The following SGCD variants were observed in gnomAD, a reference collection of about 807,000 sequenced individuals.
SGCD encodes the protein sarcoglycan delta.
A neutral mutation model predicts 36.6 loss-of-function variants in SGCD; 18 were observed. The ratio of observed to expected loss-of-function variants is 0.49; its 90% CI spans 0.34 to 0.73. SGCD has a LOEUF of 0.73. Among genes scored for constraint, SGCD ranks in the 30% least tolerant of loss-of-function variants. SGCD has a pLI of 0.01. For synonymous variants in SGCD, 133 were observed against 130.6 expected, an observed-to-expected ratio of 1.02 and a Z score of -0.12; for missense variants, 387 against 346.7, an observed-to-expected ratio of 1.12 and a Z score of -0.92.
intron 1 of SGCD, among the ~76,000 whole-genome samples, chr5:155,901,762 A>G (rs1425052067): frequency 1.3e-5 from 2 of 152,216 alleles, no homozygotes; most frequent in African/African-American, 2.4e-5. Flanking sequence ...AAATCTTTAC[A>G]TTTGTATTGC....
intron 1 of SGCD, among the ~76,000 whole-genome samples, chr5:155,909,192 T>C (rs1352177108): frequency 6.6e-6 from 1 of 152,160 alleles, no homozygotes; most frequent in Non-Finnish European, 1.5e-5. Context: ...AAAGTGTATC[T>C]TCCTTCTTGC....
At chr5:156,586,715 G>T (rs972432536) in intron 4 of SGCD, among the ~76,000 whole-genome samples, 3 of 152,150 alleles carry the variant, frequency 2.0e-5, no homozygotes, top group African/African-American at 2.4e-5. Context: ...TGTCTTCTGT[G>T]TCACTTTGAC....
intron 3 of SGCD, among the ~76,000 whole-genome samples, chr5:156,492,805 C>T (rs909621664): frequency 1.3e-5 from 2 of 152,064 alleles, no homozygotes; most frequent in Non-Finnish European, 2.9e-5. Context: ...TTAGTGAGAA[C>T]ATGTGGTGTT....
chr5:156,517,767 A>T (rs1359155762), intron 4 of SGCD, among the ~76,000 whole-genome samples: 3 of 152,140 alleles, frequency 2.0e-5, no homozygotes, highest in African/African-American at 7.2e-5. Flanking sequence ...GGAGAAATAA[A>T]ATCATTTTCA....
intron 7 of SGCD, among the ~76,000 whole-genome samples, chr5:156,684,900 A>G (rs1287699692): frequency 2.0e-5 from 3 of 152,186 alleles, no homozygotes; most frequent in Non-Finnish European, 4.4e-5. Context: ...GTGAGTAGAA[A>G]TATCTAGTAA....
intron 6 of SGCD, among the ~76,000 whole-genome samples, chr5:156,629,218 T>C (rs886198634): frequency 2.0e-5 from 3 of 152,184 alleles, no homozygotes; most frequent in Admixed American, 1.3e-4. Flanking sequence ...CTTGAATGTA[T>C]GCTCATGCAA....
At chr5:155,842,244 G>GT in the SGCD span, among the ~76,000 whole-genome samples, 7 of 104,206 alleles carry the variant, frequency 6.7e-5, no homozygotes, top group Admixed American at 3.7e-4. Flanking sequence ...CTCATTTGAG[G>GT]TGTTTTTTTT....
At chr5:156,709,731 G>T (rs1051275684) in intron 7 of SGCD, among the ~76,000 whole-genome samples, 2 of 152,110 alleles carry the variant, frequency 1.3e-5, no homozygotes, top group African/African-American at 4.8e-5. Flanking sequence ...GGAAAGAAAC[G>T]TGGGTTTGAA....
intron 1 of SGCD, among the ~76,000 whole-genome samples, chr5:156,023,199 C>A (rs1168924541): frequency 6.6e-6 from 1 of 152,150 alleles, no homozygotes; most frequent in African/African-American, 2.4e-5. Flanking sequence ...GTGTAGGCAC[C>A]CAACAGGGTG....
chr5:156,222,278 A>T (rs76471616), intron 3 of SGCD, among the ~76,000 whole-genome samples: 2,316 of 152,226 alleles, frequency 0.015, 26 homozygotes, highest in Non-Finnish European at 0.026. Flanking sequence ...TATTGCTCAC[A>T]TTCCACATTT....
At chr5:156,489,409 A>T (rs1285868982) in intron 3 of SGCD, among the ~76,000 whole-genome samples, 1 of 152,114 alleles carries the variant, frequency 6.6e-6, no homozygotes, top group Non-Finnish European at 1.5e-5. Flanking sequence ...TTCATTCAAC[A>T]ACTGGGTAAT....
intron 3 of SGCD, among the ~76,000 whole-genome samples, chr5:156,287,875 A>T (rs1052064862): frequency 6.6e-6 from 1 of 152,054 alleles, no homozygotes; most frequent in African/African-American, 2.4e-5. Context: ...CTCCAGCCTG[A>T]GTGACAAAGT....
chr5:156,422,581 T>C (rs1773364638), intron 3 of SGCD, among the ~76,000 whole-genome samples: 1 of 152,062 alleles, frequency 6.6e-6, no homozygotes, highest in Non-Finnish European at 1.5e-5. Flanking sequence ...CCTACTATGT[T>C]CTAGAATCTC....
intron 1 of SGCD, among the ~76,000 whole-genome samples, chr5:155,952,858 CCT>C (rs1349257450): frequency 1.3e-5 from 2 of 152,002 alleles, no homozygotes; most frequent in African/African-American, 4.8e-5. Flanking sequence ...AAAAATGGGC[CCT>C]GAGGATGGCT....
chr5:156,497,915 A>G (rs1005384070), intron 3 of SGCD, among the ~76,000 whole-genome samples: 3 of 152,216 alleles, frequency 2.0e-5, no homozygotes, highest in South Asian at 2.1e-4. Flanking sequence ...TGCTCCCTAG[A>G]AAAGAAAGCC....
At chr5:156,700,346 C>T (rs1754480357) in intron 7 of SGCD, among the ~76,000 whole-genome samples, 1 of 152,116 alleles carries the variant, frequency 6.6e-6, no homozygotes, top group Non-Finnish European at 1.5e-5. Context: ...GCTATACCTC[C>T]TTCTCTTCTT....
the SGCD span, among the ~76,000 whole-genome samples, chr5:155,778,985 T>A: frequency 1.3e-5 from 2 of 152,284 alleles, no homozygotes; most frequent in Admixed American, 1.3e-4. Context: ...AGAAGATCTC[T>A]CAAAATAAAT....
intron 1 of SGCD, among the ~76,000 whole-genome samples, chr5:156,106,641 C>A (rs1434498530): frequency 6.6e-6 from 1 of 152,132 alleles, no homozygotes; most frequent in African/African-American, 2.4e-5. Context: ...GACTAATGAT[C>A]TATACTTAAC....
chr5:156,375,395 CTT>C (rs60179274), intron 3 of SGCD, among the ~76,000 whole-genome samples: 2,914 of 110,726 alleles, frequency 0.026, 79 homozygotes, highest in African/African-American at 0.079. Flanking sequence ...TCCTTCACAG[CTT>C]TTTTTTTTTT....
Sources: gnomAD v4.1 joint callset for allele counts (sites outside exome capture counted in the v4.1 genomes callset) on GRCh38, gnomAD v4.1.1 for gene constraint, MANE v1.5 for transcripts, NCBI Gene and HGNC (gene_info 2026-07-23, HGNC 2026-07-21) for gene names.